The following LPCAT4 variants were observed in gnomAD, a reference collection of about 807,000 sequenced individuals.
LPCAT4 encodes lysophospholipid acyltransferase LPCAT4.
In LPCAT4, 30 loss-of-function variants were observed where a neutral mutation model predicts 66.5. That is an observed-to-expected ratio of 0.45 (90% CI 0.34 to 0.61). LPCAT4 has a LOEUF of 0.61. Among genes scored for constraint, LPCAT4 ranks in the 20% least tolerant of loss-of-function variants. The pLI, the probability that LPCAT4 is intolerant of heterozygous loss-of-function variation, is 0.01. For missense variants in LPCAT4, 557 were observed against 656.7 expected (o/e 0.85, Z 1.66); for synonymous variants, 253 against 262.1 (o/e 0.97, Z 0.34).
chr15:34,365,360 C>T, intron 2 of LPCAT4, 132 bp from the exon 3 acceptor site: 1 of 1,192,062 alleles, frequency 8.4e-7, no homozygotes, highest in African/African-American at 1.5e-5. Context: ...GCCAAGGTCT[C>T]TGGCCACTTT....
In LPCAT4 at chr15:34,363,033, C is replaced by T. The variant is rs1424349268; in HGVS notation, c.747-197G>A. ...GAGACACAAGGAACGGCCAGAAACG[C>T]GGTAGGGAAAGAGAGCAGAGCTGCA... On this transcript the variant is annotated intron_variant, in intron 7 of 13. Coordinates refer to ENST00000314891, the MANE Select transcript of LPCAT4 (RefSeq NM_153613.3). This position sits in a 1 kb window ranked among gnomAD's most constrained non-coding sequence, Gnocchi z 4.3. 2.8e-5 allele frequency: 18 copies of T among 638,656 alleles called. No homozygotes were observed. Among genetic ancestry groups the T allele is most frequent in the South Asian group, 1.1e-4 (6 of 55,408 alleles). The allele number at this position is 638,656 out of a possible 1,614,324, so 39.6% of individuals were successfully genotyped here.
In LPCAT4 at chr15:34,361,366, GGTTC is replaced by G. The variant is rs1890937469; in HGVS notation, c.1143+30_1143+33del. 7 of 1,613,128 alleles carry G rather than the reference GGTTC, an allele frequency of 4.3e-6. No homozygotes were observed. In the East Asian group the frequency reaches 1.6e-4, roughly 36 times the overall value. Reference sequence around the variant, plus strand: ...ACATGTCAGCCTGGAGGGAAGCCTGGGTTCTGCTCTGCTCTTTGTTCCAGCTCCT... The same window carrying G: ...ACATGTCAGCCTGGAGGGAAGCCTGGTGCTCTGCTCTTTGTTCCAGCTCCT... On this transcript the variant is annotated intron_variant, in intron 11 of 13. Transcript: ENST00000314891.
In LPCAT4 at chr15:34,363,423, C is replaced by T. The variant is rs1446420070; in HGVS notation, c.745G>A (p.Val249Ile). 1 of 1,614,006 alleles carries T rather than the reference C, an allele frequency of 6.2e-7. No individual in the cohort carries two copies. Among genetic ancestry groups the T allele is most frequent in the South Asian group, 1.1e-5 (1 of 91,070 alleles). Reference sequence around the variant, plus strand: ...ACCCCCAGGAATACCAGAACTCACACTCCAGGACCCCTCCATGCCCAGCTG... The same window carrying T: ...ACCCCCAGGAATACCAGAACTCACATTCCAGGACCCCTCCATGCCCAGCTG... ...TTSWAWRGPG[V>I]LKVLWLTASQ... The change falls in exon 7 of 14, where the codon GTA (valine) becomes ATA (isoleucine). Residue 249 changes from valine (V) to isoleucine (I), a missense_variant and splice_region_variant. By Grantham distance (29) the Val-to-Ile change is conservative. Coordinates refer to ENST00000314891, the MANE Select transcript of LPCAT4 (RefSeq NM_153613.3). This position sits in a 1 kb window ranked among gnomAD's most constrained non-coding sequence, Gnocchi z 4.3.
chr15:34,360,365 G>A (rs1315423307), intron 11 of LPCAT4, among the ~76,000 whole-genome samples, 156 bp from the exon 12 acceptor site: 3 of 152,194 alleles, frequency 2.0e-5, no homozygotes, highest in African/African-American at 7.2e-5. Flanking sequence ...AGGATCCCTG[G>A]AATTTCTCTC....
At chr15:34,366,913 C>G in intron 1 of LPCAT4, 74 bp downstream of exon 1, 1 of 1,527,160 alleles carries the variant, frequency 6.5e-7, no homozygotes. Context: ...CCCAAGCCCA[C>G]CTTTGCCAGG....
intron 3 of LPCAT4, chr15:34,364,516 T>G (rs1891027388): frequency 6.9e-6 from 3 of 432,414 alleles, no homozygotes; most frequent in Non-Finnish European, 1.2e-5. Flanking sequence ...CTCCACCTCC[T>G]GGGTTCAAGT....
At position 34,358,854 on chromosome 15, in the gene LPCAT4, C is replaced by T. The variant is rs1469769244; in HGVS notation, c.*273G>A. 2.5e-5 allele frequency: 4 copies of T among 163,004 alleles called. No individual in the cohort carries two copies. Among genetic ancestry groups the T allele is most frequent in the Non-Finnish European group, 4.0e-5 (3 of 75,350 alleles). 10.1% of individuals were successfully genotyped at this position (163,004 alleles called of 1,614,324 possible). On this transcript the variant is annotated 3_prime_UTR_variant, in exon 14 of 14. Transcript: ENST00000314891. ...GAAACATTTGTGATTTTCCAACGGGCGTCCTACAACCATTCATCCCTTTCC... is the reference window on the plus strand; with the variant it reads ...GAAACATTTGTGATTTTCCAACGGGTGTCCTACAACCATTCATCCCTTTCC...
rs912764157 is a variant in LPCAT4 at position 34,362,115 on chromosome 15, C to T, written c.1010+81G>A. 60 of 1,517,050 alleles carry T rather than the reference C, an allele frequency of 4.0e-5. No homozygotes were observed. In the African/African-American group the frequency reaches 7.3e-4, roughly 18 times the overall value. The allele number at this position is 1,517,050 out of a possible 1,614,324, so 94.0% of individuals were successfully genotyped here. ...TTTCATTTTTAAGATTTTCCTTCTT[C>T]CTTCTCATTTCTCCCCTTCTTATTC... is the stretch of plus-strand genomic sequence containing the variant. On this transcript the variant is annotated intron_variant, in intron 10 of 13. Transcript: ENST00000314891.
In LPCAT4 at chr15:34,364,293, G is replaced by A. The variant is rs778762496; in HGVS notation, c.492C>T (p.Phe164=). ...GCCGGGATACCAGGATGGCTTGGTT[G>A]AATCGAAGAAGGGCTGGGGTTGGGA... is the stretch of plus-strand genomic sequence containing the variant. ...SVPVIGALLR[F]NQAILVSRHD... Residue 164 remains phenylalanine, a synonymous_variant, in exon 4 of 14, where the codon TTC becomes TTT. Transcript: ENST00000314891. 3.7e-6 allele frequency: 6 copies of A among 1,612,954 alleles called. No individual in the cohort carries two copies. The South Asian group carries it at 5.5e-5, about 15-fold the overall frequency.
Position 34,363,649 on chromosome 15 carries a change from A to T in LPCAT4, c.711+12T>A. The stretch of plus-strand genomic sequence containing the variant: ...GCTCCCCCTTTCCACTCTTTCTTGG[A>T]CTAAGACTCACCAGACTGTTGGGGT... On this transcript the variant is annotated intron_variant, in intron 6 of 13. Transcript: ENST00000314891. This position sits in a 1 kb window ranked among gnomAD's most constrained non-coding sequence, Gnocchi z 4.3. The T allele has an allele frequency of 1.2e-6, 2 of 1,613,934 alleles. No individual in the cohort carries two copies. Among genetic ancestry groups the T allele is most frequent in the Middle Eastern group, 1.6e-4 (1 of 6,062 alleles).
At chr15:34,361,159 T>C (rs1890933292) in intron 11 of LPCAT4, 5 of 1,335,002 alleles carry the variant, frequency 3.7e-6, no homozygotes, top group Non-Finnish European at 4.8e-6. Flanking sequence ...CAGAAATTTA[T>C]AGTCCTTACT....
Position 34,365,053 on chromosome 15 carries a change from T to C in LPCAT4, c.433A>G (p.Lys145Glu), listed in dbSNP as rs1316582900. ...AGGTTCTCAGCTCGGGACACAACTT[T>C]GGGCAGGTCACAGGGCAGCAGAACA... ...PIVLLPCDLP[K>E]VVSRAENLSV... Residue 145 changes from lysine to glutamate, a missense_variant, in exon 3 of 14, where the codon AAA (lysine) becomes GAA (glutamate). This residue lies in a region of LPCAT4 where 6 missense variants were observed against 27.9 expected (regional missense o/e 0.22). Coordinates refer to ENST00000314891, the MANE Select transcript of LPCAT4 (RefSeq NM_153613.3). The C allele has an allele frequency of 6.2e-7, 1 of 1,614,054 alleles. No individual in the cohort carries two copies. The highest frequency in any genetic ancestry group is 8.5e-7 in the Non-Finnish European group (1 of 1,179,942).
intron 3 of LPCAT4, 174 bp from the exon 4 acceptor site, chr15:34,364,480 A>G (rs1323077122): frequency 1.8e-6 from 1 of 549,020 alleles, no homozygotes; most frequent in Non-Finnish European, 3.2e-6. Context: ...CTGGAGTGCA[A>G]TGGCTCGATC....
Position 34,363,702 on chromosome 15 carries a change from C to T in LPCAT4, c.670G>A (p.Val224Met). The T allele has an allele frequency of 3.1e-6, 5 of 1,614,132 alleles. No individual in the cohort carries two copies. The highest frequency in any genetic ancestry group is 4.2e-6 in the Non-Finnish European group (5 of 1,180,024). ...KFKPGAFIAGVPVQPVLIRYP... is the reference protein window; with the variant it reads ...KFKPGAFIAGMPVQPVLIRYP... The stretch of plus-strand genomic sequence containing the variant: ...CGGATGAGGACAGGCTGCACAGGCA[C>T]CCCTGCGATGAAGGCTCCTAAATCC... The change falls in exon 6 of 14, where the codon GTG (valine) becomes ATG (methionine). Residue 224 changes from valine (V) to methionine (M), a missense_variant. Physicochemically the swap from Val to Met is conservative, Grantham distance 21. This residue lies in a region of LPCAT4 where 392 missense variants were observed against 473.9 expected (regional missense o/e 0.83). Coordinates refer to ENST00000314891, the MANE Select transcript of LPCAT4 (RefSeq NM_153613.3). This position sits in a 1 kb window ranked among gnomAD's most constrained non-coding sequence, Gnocchi z 4.3.
At position 34,367,182 on chromosome 15, in the gene LPCAT4, C is replaced by A. The variant is rs1371212041; in HGVS notation, c.-82G>T. The stretch of plus-strand genomic sequence containing the variant: ...AGAGCAGCTGCTGCTGCAGCAGCGG[C>A]GGCGGCGGCGCTCTGGCCCGGGCCC... On this transcript the variant is annotated 5_prime_UTR_variant, in exon 1 of 14. Coordinates refer to ENST00000314891, the MANE Select transcript of LPCAT4 (RefSeq NM_153613.3). 2.4e-6 allele frequency: 3 copies of A among 1,238,752 alleles called. No homozygotes were observed. The African/African-American group carries it at 4.9e-5, about 20-fold the overall frequency. 76.7% of individuals were successfully genotyped at this position (1,238,752 alleles called of 1,614,324 possible). A position where few individuals can be genotyped will look rare whatever the true frequency, so the allele number is the denominator to read the frequency against.
In LPCAT4 at chr15:34,359,654, T is replaced by G. The variant is rs760028198; in HGVS notation, c.1334A>C (p.His445Pro). The change falls in exon 13 of 14, where the codon CAC becomes CCC. Residue 445 changes from histidine to proline, a missense_variant. Coordinates refer to ENST00000314891, the MANE Select transcript of LPCAT4 (RefSeq NM_153613.3). ...TILHLLLGSP[H>P]PAATALHAEL... ...AGCATGCAAAGCTGTGGCAGCAGGG[T>G]GGGGTGAACCCAGCAGCAGGTGCAG... 6.2e-7 allele frequency: 1 copy of G among 1,613,530 alleles called. No individual in the cohort carries two copies. The highest frequency in any genetic ancestry group is 8.5e-7 in the Non-Finnish European group (1 of 1,180,008).
At chr15:34,364,576 A>AC in intron 3 of LPCAT4, 2 of 254,480 alleles carry the variant, frequency 7.9e-6, no homozygotes, top group Non-Finnish European at 1.4e-5. Context: ...AGCATGGGCC[A>AC]CCACGCCCGG....
intron 12 of LPCAT4, 57 bp from the exon 13 acceptor site, chr15:34,359,802 G>C: frequency 1.3e-6 from 2 of 1,528,800 alleles, no homozygotes; most frequent in Non-Finnish European, 1.8e-6. Flanking sequence ...GCCTCACCCT[G>C]CCCCACAGAC....
intron 10 of LPCAT4, 50 bp from the exon 11 acceptor site, chr15:34,361,582 C>G (rs745401512): frequency 6.2e-7 from 1 of 1,606,270 alleles, no homozygotes; most frequent in East Asian, 2.2e-5. Flanking sequence ...TCCTTCTGGA[C>G]ACACCATCAG....
Sources: gnomAD v4.1 joint callset for allele counts (sites outside exome capture counted in the v4.1 genomes callset) on GRCh38, gnomAD v4.1.1 for gene constraint, gnomAD v4.1.1 regional missense constraint, Gnocchi (gnomAD v3.1) non-coding constraint, MANE v1.5 for transcripts, NCBI Gene and HGNC (gene_info 2026-07-23, HGNC 2026-07-21) for gene names.